The following GUCY2F variants were observed in gnomAD, a reference collection of about 807,000 sequenced individuals.
GUCY2F encodes the protein retinal guanylyl cyclase 2.
Under a neutral mutation model 73.1 loss-of-function variants are expected in GUCY2F, and 61 were observed. The ratio of observed to expected loss-of-function variants is 0.83; its 90% CI spans 0.68 to 1.03. The LOEUF (loss-of-function observed/expected upper bound fraction) is 1.03. GUCY2F is among the 50% of genes least tolerant of loss of function. GUCY2F has a pLI of 0.00. For synonymous variants in GUCY2F, 331 were observed against 307.8 expected (o/e 1.08, Z -0.79); for missense variants, 912 against 854.3 (o/e 1.07, Z -0.84).
intron 7 of GUCY2F, among the ~76,000 whole-genome samples, chrX:109,438,354 A>G (rs143673985): frequency 4.5e-5 from 5 of 112,306 alleles, no homozygotes; most frequent in African/African-American, 1.6e-4. Flanking sequence ...ATCATTCACA[A>G]AGTAGAAGCC....
intron 2 of GUCY2F, among the ~76,000 whole-genome samples, chrX:109,472,530 A>ATAACATCCAG (rs1173783619): frequency 1.8e-5 from 2 of 112,181 alleles, no homozygotes; most frequent in African/African-American, 6.5e-5. Context: ...GTCCAGATAG[A>ATAACATCCAG]TAACATCCAG....
At chrX:109,453,003 A>G (rs985295344) in intron 4 of GUCY2F, among the ~76,000 whole-genome samples, 7 of 112,056 alleles carry the variant, frequency 6.2e-5, no homozygotes, top group African/African-American at 2.3e-4. Context: ...GACAATCAGT[A>G]CACAAGAAAC....
At chrX:109,481,108 G>GGAAGGAAGGAAGGAAGGAAGGA (rs1569380146) in intron 1 of GUCY2F, among the ~76,000 whole-genome samples, 1 of 44,167 alleles carries the variant, frequency 2.3e-5, no homozygotes, top group Non-Finnish European at 4.6e-5. Flanking sequence ...GGAAGGAAGG[G>GGAAGGAAGGAAGGAAGGAAGGA]AGGGAGGGAG....
chrX:109,421,224 T>A (rs1931364061), intron 8 of GUCY2F, among the ~76,000 whole-genome samples: 1 of 111,426 alleles, frequency 9.0e-6, no homozygotes, highest in Admixed American at 9.5e-5. Flanking sequence ...AATAGAGCCA[T>A]CTTATTAGCC....
intron 4 of GUCY2F, among the ~76,000 whole-genome samples, chrX:109,452,973 T>C (rs1307412302): frequency 9.0e-6 from 1 of 111,569 alleles, no homozygotes; most frequent in Non-Finnish European, 1.9e-5. Flanking sequence ...AAGCAATATA[T>C]TTGGGAGTGG....
In GUCY2F at chrX:109,388,593, G is replaced by A. The variant is rs746036001; in HGVS notation, c.2852C>T (p.Ala951Val). The change falls in exon 15 of 20, where the codon GCT becomes GTT. Residue 951 changes from alanine to valine, a missense_variant. Coordinates refer to ENST00000218006, the MANE Select transcript of GUCY2F (RefSeq NM_001522.3). ...LPKRNGSRHA[A>V]EIANMSLDIL... ...ATCTAAGGACATGTTTGCAATCTCA[G>A]CTGCATGCCTACTGCCATTCCTCTT... 8.3e-7 allele frequency: 1 copy of A among 1,198,375 alleles called. No homozygotes were observed. The highest frequency in any genetic ancestry group is 1.1e-6 in the Non-Finnish European group (1 of 883,708).
chrX:109,471,515 A>G lies in GUCY2F; in HGVS notation c.730+3692T>C. On this transcript the variant is annotated intron_variant, in intron 2 of 19. Transcript: ENST00000218006. The stretch of plus-strand genomic sequence containing the variant: ...CAACAGGGTTCATGGTTTGAGGAGC[A>G]GAGACTGGACTGGATTTTGGCCCTC... Among the ~76,000 whole-genome samples, 2 of 112,594 alleles carry G rather than the reference A, an allele frequency of 1.8e-5. 1 individual carries two copies. The highest frequency in any genetic ancestry group is 3.8e-5 in the Non-Finnish European group (2 of 53,291).
intron 5 of GUCY2F, among the ~76,000 whole-genome samples, chrX:109,451,128 T>G (rs1215553194): frequency 8.9e-6 from 1 of 111,842 alleles, no homozygotes; most frequent in Non-Finnish European, 1.9e-5. Flanking sequence ...TGGTTATAAT[T>G]TATTTTATTT....
intron 3 of GUCY2F, among the ~76,000 whole-genome samples, 172 bp downstream of exon 3, chrX:109,464,970 T>A (rs2147281675): frequency 8.9e-6 from 1 of 112,637 alleles, no homozygotes; most frequent in South Asian, 3.7e-4. Context: ...TCTCAAATAA[T>A]ATGCCTTTGT....
chrX:109,433,683 C>T (rs947323387), intron 7 of GUCY2F, among the ~76,000 whole-genome samples: 28 of 112,076 alleles, frequency 2.5e-4, no homozygotes, highest in African/African-American at 8.4e-4. Context: ...AAATACTTCA[C>T]TCATCACTCA....
intron 1 of GUCY2F, among the ~76,000 whole-genome samples, chrX:109,477,651 C>T (rs1932724100): frequency 8.9e-6 from 1 of 112,078 alleles, no homozygotes; most frequent in African/African-American, 3.2e-5. Flanking sequence ...AAGGAGAATC[C>T]TTAGTAAATC....
chrX:109,384,873 AT>A (rs1001643104), intron 16 of GUCY2F, among the ~76,000 whole-genome samples: 3 of 110,807 alleles, frequency 2.7e-5, no homozygotes, highest in Non-Finnish European at 5.7e-5. Flanking sequence ...AGCCCGGCCA[AT>A]TTTTTTCTTT....
At chrX:109,404,253 T>C in intron 10 of GUCY2F, 75 bp downstream of exon 10, 2 of 745,957 alleles carry the variant, frequency 2.7e-6, no homozygotes, top group Admixed American at 5.7e-5. Context: ...GCCTGAGGCT[T>C]TAATTCAGTG....
At chrX:109,434,045 G>GAT (rs778385810) in intron 7 of GUCY2F, among the ~76,000 whole-genome samples, 8 of 111,005 alleles carry the variant, frequency 7.2e-5, no homozygotes, top group Non-Finnish European at 1.5e-4. Flanking sequence ...AGCTACAAGG[G>GAT]ATATAGAATG....
intron 10 of GUCY2F, among the ~76,000 whole-genome samples, chrX:109,403,779 T>C (rs765540426): frequency 1.8e-5 from 2 of 112,686 alleles, no homozygotes; most frequent in African/African-American, 6.4e-5. Context: ...ATTTAAAGAT[T>C]TGTCCCTATA....
chrX:109,402,153 G>T (rs761311889), intron 10 of GUCY2F, among the ~76,000 whole-genome samples: 1 of 111,394 alleles, frequency 9.0e-6, no homozygotes, highest in South Asian at 3.8e-4. Flanking sequence ...AGAATGGACT[G>T]ACCATCCATA....
intron 1 of GUCY2F, among the ~76,000 whole-genome samples, chrX:109,476,730 A>ATAGATAGG (rs1932703627): frequency 1.1e-5 from 1 of 91,460 alleles, no homozygotes; most frequent in Non-Finnish European, 2.1e-5. Context: ...GTAAAGATAG[A>ATAGATAGG]TAGATAGATA....
intron 11 of GUCY2F, among the ~76,000 whole-genome samples, chrX:109,398,038 T>A (rs1376368664): frequency 9.0e-6 from 1 of 111,166 alleles, no homozygotes; most frequent in Non-Finnish European, 1.9e-5. Context: ...GTAAGTATCT[T>A]GTGGGTTCAT....
intron 8 of GUCY2F, among the ~76,000 whole-genome samples, chrX:109,420,372 G>T (rs1238614036): frequency 2.9e-5 from 3 of 104,458 alleles, no homozygotes; most frequent in South Asian, 8.8e-4. Flanking sequence ...GAGAGAGAGA[G>T]AAAGACAAAG....
Sources: gnomAD v4.1 joint callset for allele counts (sites outside exome capture counted in the v4.1 genomes callset) on GRCh38, gnomAD v4.1.1 for gene constraint, MANE v1.5 for transcripts, NCBI Gene and HGNC (gene_info 2026-07-23, HGNC 2026-07-21) for gene names.